Variants in HADHA observed in about 807,000 individuals in gnomAD.
HADHA encodes the protein hydroxyacyl-CoA dehydrogenase trifunctional multienzyme complex subunit alpha.
Under a neutral mutation model 91.3 loss-of-function variants are expected in HADHA, and 59 were observed. The ratio of observed to expected loss-of-function variants is 0.65; its 90% CI spans 0.52 to 0.80. HADHA has a LOEUF of 0.80. HADHA is among the 30% of genes least tolerant of loss of function. HADHA has a pLI of 0.00. For missense variants in HADHA, 800 were observed against 927.6 expected (o/e 0.86, Z 1.79); for synonymous variants, 320 against 338.9 (o/e 0.94, Z 0.61).
At chr2:26,222,550 G>A (rs192436621) in intron 7 of HADHA, among the ~76,000 whole-genome samples, 6 of 152,280 alleles carry the variant, frequency 3.9e-5, no homozygotes, top group South Asian at 2.1e-4. Flanking sequence ...GCATCTTTCC[G>A]CAGTCACTCT....
At chr2:26,198,578 G>C (rs1026233736) in intron 13 of HADHA, among the ~76,000 whole-genome samples, 20 of 151,662 alleles carry the variant, frequency 1.3e-4, no homozygotes, top group African/African-American at 4.8e-4. Flanking sequence ...GAGAATCAAG[G>C]AGGAAGACAC....
At chr2:26,203,934 G>A in intron 12 of HADHA, 128 bp downstream of exon 12, 3 of 932,712 alleles carry the variant, frequency 3.2e-6, no homozygotes, top group Non-Finnish European at 5.3e-6. Context: ...AACTCATTAT[G>A]TTCAGGAAAA....
chr2:26,219,491 A>G (rs1394563464), intron 7 of HADHA, among the ~76,000 whole-genome samples: 1 of 152,246 alleles, frequency 6.6e-6, no homozygotes, highest in Non-Finnish European at 1.5e-5. Context: ...CTGACAGGTC[A>G]CCCTGGAAGG....
Position 26,229,675 on chromosome 2 carries a change from C to T in HADHA, c.676+517G>A, listed in dbSNP as rs1010058923. Among the ~76,000 whole-genome samples, 2 of 152,082 alleles carry T rather than the reference C, an allele frequency of 1.3e-5. No individual in the cohort carries two copies. The highest frequency in any genetic ancestry group is 2.4e-5 in the African/African-American group (1 of 41,404). On this transcript the variant is annotated intron_variant, in intron 7 of 19. Transcript: ENST00000380649. The surrounding 1 kb of genome is among the most constrained non-coding windows in gnomAD (Gnocchi z 4.3). ...AATGACTTGACTGAATTCTGTACTC[C>T]TAATGTTCTAATTATAAAGCAAAAT...
At chr2:26,196,342 A>G (rs1462342380) in intron 14 of HADHA, among the ~76,000 whole-genome samples, 2 of 152,214 alleles carry the variant, frequency 1.3e-5, no homozygotes, top group Non-Finnish European at 2.9e-5. Context: ...CATCTGAAAT[A>G]CTTAGGACCT....
chr2:26,197,201 T>C (rs1178443309), intron 14 of HADHA, among the ~76,000 whole-genome samples: 1 of 152,206 alleles, frequency 6.6e-6, no homozygotes, highest in African/African-American at 2.4e-5. Context: ...AAAATAAATT[T>C]CTGGGCATCA....
Position 26,214,150 on chromosome 2 carries a change from T to C in HADHA, c.918+293A>G, listed in dbSNP as rs1031250220. On this transcript the variant is annotated intron_variant, in intron 9 of 19. Coordinates refer to ENST00000380649, the MANE Select transcript of HADHA (RefSeq NM_000182.5). The surrounding 1 kb of genome is among the most constrained non-coding windows in gnomAD (Gnocchi z 4.1). The stretch of plus-strand genomic sequence containing the variant: ...TTTTGGTTAGTGCCTGACACTCTAA[T>C]GGCTTTGTGATACTGATATGACTTA... Among the ~76,000 whole-genome samples, 1 of 152,250 alleles carries C rather than the reference T, an allele frequency of 6.6e-6. No homozygotes were observed. Among genetic ancestry groups the C allele is most frequent in the African/African-American group, 2.4e-5 (1 of 41,468 alleles).
At chr2:26,207,569 C>T (rs185297984) in intron 11 of HADHA, among the ~76,000 whole-genome samples, 157 of 152,218 alleles carry the variant, frequency 1.0e-3, no homozygotes, top group Non-Finnish European at 6.5e-4. Flanking sequence ...TCACAATCTA[C>T]GGAATCCTTC....
chr2:26,242,400 T>C (rs1171159486), intron 1 of HADHA, among the ~76,000 whole-genome samples: 1 of 152,232 alleles, frequency 6.6e-6, no homozygotes, highest in East Asian at 1.9e-4. Flanking sequence ...TGATACTTTC[T>C]TACTGGTGAA....
At chr2:26,219,582 T>G (rs1670324070) in intron 7 of HADHA, among the ~76,000 whole-genome samples, 1 of 152,140 alleles carries the variant, frequency 6.6e-6, no homozygotes, top group Non-Finnish European at 1.5e-5. Context: ...TGTGGTTGCT[T>G]CTCTTTGTAG....
At chr2:26,203,172 C>T (rs1251292758) in intron 12 of HADHA, among the ~76,000 whole-genome samples, 2 of 152,210 alleles carry the variant, frequency 1.3e-5, no homozygotes, top group South Asian at 2.1e-4. Flanking sequence ...TCTGCCAACA[C>T]GATGAAACCT....
chr2:26,199,998 A>C (rs1333662861), intron 13 of HADHA, among the ~76,000 whole-genome samples: 1 of 152,230 alleles, frequency 6.6e-6, no homozygotes, highest in Non-Finnish European at 1.5e-5. Context: ...AGATAGTTGT[A>C]AACACAGCAG....
At chr2:26,237,567 G>A (rs138553442) in intron 3 of HADHA, among the ~76,000 whole-genome samples, 134 of 152,240 alleles carry the variant, frequency 8.8e-4, no homozygotes, top group African/African-American at 3.1e-3. Context: ...GGCTGAAGCT[G>A]CACTAACCTG....
chr2:26,222,265 G>C (rs188832050), intron 7 of HADHA, among the ~76,000 whole-genome samples: 1 of 152,306 alleles, frequency 6.6e-6, no homozygotes, highest in Admixed American at 6.5e-5. Context: ...AACCAAACCT[G>C]CTAACACCTG....
intron 7 of HADHA, among the ~76,000 whole-genome samples, chr2:26,226,151 C>CCA (rs1447768744): frequency 6.6e-6 from 1 of 152,104 alleles, no homozygotes; most frequent in East Asian, 1.9e-4. Context: ...CTGAAAAGTA[C>CCA]CAAACACTGC....
chr2:26,224,277 C>T (rs1258328379), intron 7 of HADHA, among the ~76,000 whole-genome samples: 2 of 152,222 alleles, frequency 1.3e-5, no homozygotes, highest in African/African-American at 2.4e-5. Flanking sequence ...TGTAAACTAT[C>T]AAAGTAAGTG....
intron 16 of HADHA, 51 bp downstream of exon 16, chr2:26,194,519 G>A (rs371455712): frequency 1.6e-4 from 171 of 1,068,456 alleles, no homozygotes; most frequent in Non-Finnish European, 9.4e-5. Context: ...GAGTTTTAGA[G>A]TGACTGAAGG....
intron 5 of HADHA, 39 bp downstream of exon 5, chr2:26,234,178 G>T: frequency 6.3e-7 from 1 of 1,594,488 alleles, no homozygotes; most frequent in South Asian, 1.1e-5. Flanking sequence ...TGCCACCAAT[G>T]AGTTGGACAG....
Position 26,194,616 on chromosome 2 carries a change from G to C in HADHA, c.1643C>G (p.Thr548Ser). 1.2e-6 allele frequency: 2 copies of C among 1,611,600 alleles called. No individual in the cohort carries two copies. The highest frequency in any genetic ancestry group is 1.7e-6 in the Non-Finnish European group (2 of 1,177,854). Reference sequence around the variant, plus strand: ...AGACATCATGGGCGCAAGACACCTGGTAGTATAGAAGCCAGGTCCATCCTG... The same window carrying C: ...AGACATCATGGGCGCAAGACACCTGCTAGTATAGAAGCCAGGTCCATCCTG... The part of the protein sequence containing the change: ...VVKDGPGFYT[T>S]RCLAPMMSEV... The change falls in exon 16 of 20, where the codon ACC becomes AGC. Residue 548 changes from threonine (T) to serine (S), a missense_variant. Coordinates refer to ENST00000380649, the MANE Select transcript of HADHA (RefSeq NM_000182.5).
Sources: allele counts gnomAD v4.1 joint callset (sites outside exome capture counted in the v4.1 genomes callset), GRCh38; gene constraint gnomAD v4.1.1; non-coding constraint Gnocchi (gnomAD v3.1); transcripts MANE v1.5; gene names NCBI Gene and HGNC (gene_info 2026-07-23, HGNC 2026-07-21).